TPCN2: variants seen among roughly 807,000 people sequenced by gnomAD.
TPCN2 encodes two pore segment channel 2.
Under a neutral mutation model 111.4 loss-of-function variants are expected in TPCN2, and 92 were observed. The ratio of observed to expected loss-of-function variants is 0.83; its 90% CI spans 0.70 to 0.98. The LOEUF is 0.98. TPCN2 is among the 50% of genes least tolerant of loss of function. The pLI is 0.00. For missense variants in TPCN2, 995 were observed against 980.1 expected, an observed-to-expected ratio of 1.02 and a Z score of -0.20; for synonymous variants, 405 against 414.5, an observed-to-expected ratio of 0.98 and a Z score of 0.28.
At chr11:69,051,595 G>C (rs947376222) in intron 1 of TPCN2, among the ~76,000 whole-genome samples, 60 of 152,352 alleles carry the variant, frequency 3.9e-4, no homozygotes, top group African/African-American at 1.4e-3. Flanking sequence ...CTTGGATTAG[G>C]AAGCCGTGTC....
rs535139656 is a variant in TPCN2 at position 69,055,241 on chromosome 11, C to A, written c.318C>A (p.Thr106=). 2.5e-6 allele frequency: 4 copies of A among 1,614,246 alleles called. No individual in the cohort carries two copies. In the Admixed American group the frequency reaches 5.0e-5, roughly 20 times the overall value. Residue 106 remains threonine, a synonymous_variant, in exon 4 of 25, where the codon ACC becomes ACA. Transcript: ENST00000294309. ...TTATCGAGACCCCATCCTCACTCAC[C>A]AGCACGGCGGACGTGCGCTACCGCG... ...LAFIETPSSL[T]STADVRYRAA...
At chr11:69,085,613 T>C (rs375414002) in intron 20 of TPCN2, 58 bp from the exon 21 acceptor site, 1 of 1,127,638 alleles carries the variant, frequency 8.9e-7, no homozygotes, top group South Asian at 1.2e-5. Flanking sequence ...GGGTGTAAGG[T>C]ATCAGGCCTC....
chr11:69,064,054 G>T (rs954575692), intron 7 of TPCN2, 87 bp downstream of exon 7: 2 of 1,328,080 alleles, frequency 1.5e-6, no homozygotes, highest in Non-Finnish European at 2.1e-6. Context: ...TGCTGCCCTG[G>T]CCTAACCCAT....
rs921962483 is a variant in TPCN2, at chr11:69,085,617, A to G, written c.1839-54A>G. ...GCAGAGGAAAGGGGTGTAAGGTATCAGGCCTCAGAACCTGGAGCCCCCGCC... is the reference window on the plus strand; with the variant it reads ...GCAGAGGAAAGGGGTGTAAGGTATCGGGCCTCAGAACCTGGAGCCCCCGCC... On this transcript the variant is annotated intron_variant, in intron 20 of 24. Coordinates refer to ENST00000294309, the MANE Select transcript of TPCN2 (RefSeq NM_139075.4). The G allele has an allele frequency of 6.0e-6, 7 of 1,170,420 alleles. No individual in the cohort carries two copies. In the African/African-American group the frequency reaches 1.1e-4, roughly 18 times the overall value. 72.5% of individuals were successfully genotyped at this position (1,170,420 alleles called of 1,614,324 possible).
chr11:69,050,237 C>T (rs987742008), intron 1 of TPCN2, among the ~76,000 whole-genome samples: 1 of 152,204 alleles, frequency 6.6e-6, no homozygotes, highest in Non-Finnish European at 1.5e-5. Context: ...GGAAGGAGAT[C>T]TGCAGGGAGC....
At chr11:69,077,814 G>A (rs921283528) in intron 13 of TPCN2, among the ~76,000 whole-genome samples, 3 of 152,200 alleles carry the variant, frequency 2.0e-5, no homozygotes, top group Admixed American at 1.3e-4. Context: ...TACTTGACAC[G>A]TGGCTGTTGC....
chr11:69,085,799 C>T, intron 21 of TPCN2, 47 bp downstream of exon 21: 1 of 1,612,992 alleles, frequency 6.2e-7, no homozygotes, highest in East Asian at 2.2e-5. Context: ...GGGCTCCTCC[C>T]CTCCCTACCT....
chr11:69,055,914 T>TG (rs562903276), intron 4 of TPCN2, among the ~76,000 whole-genome samples: 30 of 152,252 alleles, frequency 2.0e-4, no homozygotes, highest in East Asian at 1.5e-3. Flanking sequence ...GAGGTGGGCG[T>TG]GGGGCAGAAA....
chr11:69,055,089 G>C, intron 3 of TPCN2, 86 bp from the exon 4 acceptor site: 1 of 1,432,658 alleles, frequency 7.0e-7, no homozygotes, highest in Non-Finnish European at 9.6e-7. Flanking sequence ...CAACTCCCGT[G>C]CTTCGGACTG....
chr11:69,067,821 T>C (rs1162264066), intron 8 of TPCN2, among the ~76,000 whole-genome samples: 1 of 152,220 alleles, frequency 6.6e-6, no homozygotes, highest in Non-Finnish European at 1.5e-5. Context: ...CCCTTCTCTT[T>C]CCTTCTTTCC....
intron 1 of TPCN2, among the ~76,000 whole-genome samples, chr11:69,049,747 C>G (rs998611211): frequency 6.6e-6 from 1 of 152,196 alleles, no homozygotes; most frequent in African/African-American, 2.4e-5. Context: ...CTCTGCACTC[C>G]CTCCTGCCCT....
chr11:69,077,495 G>A (rs1222371004), intron 13 of TPCN2, among the ~76,000 whole-genome samples: 1 of 152,220 alleles, frequency 6.6e-6, no homozygotes, highest in Non-Finnish European at 1.5e-5. Flanking sequence ...TATCGAGGAG[G>A]ATGTCGGGAG....
At chr11:69,059,310 C>T (rs758118223) in intron 5 of TPCN2, among the ~76,000 whole-genome samples, 13 of 152,162 alleles carry the variant, frequency 8.5e-5, no homozygotes, top group Non-Finnish European at 1.9e-4. Context: ...CACAGCAGCC[C>T]TCTTTCCATG....
At chr11:69,062,797 C>T in intron 5 of TPCN2, 87 bp from the exon 6 acceptor site, 1 of 1,300,712 alleles carries the variant, frequency 7.7e-7, no homozygotes, top group Non-Finnish European at 1.1e-6. Flanking sequence ...GCACTGGGGT[C>T]TCTGAACCGT....
At chr11:69,064,893 G>A (rs1300242097) in intron 7 of TPCN2, among the ~76,000 whole-genome samples, 1 of 152,000 alleles carries the variant, frequency 6.6e-6, no homozygotes, top group East Asian at 1.9e-4. Context: ...TTGTATGTGT[G>A]CATGTGTAGT....
chr11:69,085,343 G>GGGGGGGGGC, intron 20 of TPCN2, 57 bp downstream of exon 20: 19 of 581,776 alleles, frequency 3.3e-5, no homozygotes, highest in East Asian at 4.3e-5. Flanking sequence ...GGGTGGGCGG[G>GGGGGGGGGC]AAGCCTTGGC....
chr11:69,071,566 C>A, intron 10 of TPCN2, 146 bp downstream of exon 10: 1 of 711,540 alleles, frequency 1.4e-6, no homozygotes, highest in Non-Finnish European at 2.5e-6. Context: ...GTGGATCAGC[C>A]GGGGATGCAC....
Position 69,081,426 on chromosome 11 carries a change from C to A in TPCN2, c.1616C>A (p.Ser539Ter), listed in dbSNP as rs1447898591. The A allele has an allele frequency of 6.4e-7, 1 of 1,562,066 alleles. No homozygotes were observed. Among genetic ancestry groups the A allele is most frequent in the East Asian group, 2.4e-5 (1 of 42,258 alleles). Residue 539 changes from serine (S) to a stop codon, truncating the protein, a stop_gained, in exon 18 of 25, where the codon TCG becomes TAG. Coordinates refer to ENST00000294309, the MANE Select transcript of TPCN2 (RefSeq NM_139075.4). LOFTEE classifies it high-confidence loss of function. ...GWRPEMVGLL[S>*]LWDMTRMLNM... ...AGGCCGGAGATGGTGGGCCTGCTGT[C>A]GCTGTGGGACATGACCCGCATGCTG...
chr11:69,085,273 C>A lies in TPCN2; in HGVS notation c.1825C>A (p.Pro609Thr). 1 of 1,613,958 alleles carries A rather than the reference C, an allele frequency of 6.2e-7. No individual in the cohort carries two copies. The highest frequency in any genetic ancestry group is 1.3e-5 in the African/African-American group (1 of 74,990). Residue 609 changes from proline to threonine, a missense_variant, in exon 20 of 25, where the codon CCT becomes ACT. Transcript: ENST00000294309. ...GTTTAGAGGCGTCATTGTGGCTCTT[C>A]CTGGAAACAGCAGGTGAGGTGGGGT... ...NLFRGVIVALPGNSSLAPANG... is the reference protein window; with the variant it reads ...NLFRGVIVALTGNSSLAPANG...
Sources: allele counts gnomAD v4.1 joint callset (sites outside exome capture counted in the v4.1 genomes callset), GRCh38; gene constraint gnomAD v4.1.1; transcripts MANE v1.5; gene names NCBI Gene and HGNC (gene_info 2026-07-23, HGNC 2026-07-21).